PSPC1: variants seen among roughly 807,000 people sequenced by gnomAD.
The protein encoded by PSPC1 is paraspeckle component 1.
PSPC1 carries 14 observed loss-of-function variants against 51.6 expected under a neutral mutation model. The observed-to-expected ratio is 0.27, with a 90% CI of 0.18 to 0.42. The LOEUF is 0.42. Ranked by LOEUF, PSPC1 falls within the 10% of genes least tolerant of loss-of-function variation. PSPC1 has a pLI of 1.00. For synonymous variants in PSPC1, 193 were observed against 231.9 expected (o/e 0.83, Z 1.53); for missense variants, 406 against 701.1 (o/e 0.58, Z 4.75).
At chr13:19,672,082 G>A (rs1876162385), downstream of PSPC1, 6 of 563,836 alleles carry the variant, frequency 1.1e-5, no homozygotes, top group South Asian at 2.5e-5. Flanking sequence ...TCCAGACTGC[G>A]TATTTCAGTT....
chr13:19,689,812 A>G (rs545918985), intron 6 of PSPC1, among the ~76,000 whole-genome samples: 97 of 152,360 alleles, frequency 6.4e-4, no homozygotes, highest in Non-Finnish European at 1.0e-3. Flanking sequence ...TATTCTTAGA[A>G]AACATTTGAA....
chr13:19,708,828 T>G (rs1881032593), intron 7 of PSPC1, among the ~76,000 whole-genome samples: 1 of 152,092 alleles, frequency 6.6e-6, no homozygotes, highest in Admixed American at 6.5e-5. Flanking sequence ...AAAACACAAC[T>G]CAGAAACTAT....
At chr13:19,735,121 G>T (rs1043941048) in intron 5 of PSPC1, among the ~76,000 whole-genome samples, 3 of 152,100 alleles carry the variant, frequency 2.0e-5, no homozygotes, top group African/African-American at 7.2e-5. Context: ...CGACCAGCTT[G>T]GCCAACATGG....
At chr13:19,736,010 C>T (rs1220779939) in intron 5 of PSPC1, among the ~76,000 whole-genome samples, 1 of 151,896 alleles carries the variant, frequency 6.6e-6, no homozygotes, top group Non-Finnish European at 1.5e-5. Context: ...TTAGTAAAGA[C>T]AGGGTTTCAC....
At chr13:19,765,337 TAA>T (rs1491333563) in intron 2 of PSPC1, among the ~76,000 whole-genome samples, 8 of 145,156 alleles carry the variant, frequency 5.5e-5, no homozygotes, top group African/African-American at 1.8e-4. Context: ...ATAATAATAA[TAA>T]TAATAATTAT....
intron 6 of PSPC1, among the ~76,000 whole-genome samples, chr13:19,688,256 A>T (rs1355770704): frequency 6.6e-6 from 1 of 152,156 alleles, no homozygotes. Context: ...TAATCCGTCA[A>T]GGTACCAAAG....
chr13:19,681,732 A>G (rs1877288131), intron 6 of PSPC1, among the ~76,000 whole-genome samples: 1 of 152,234 alleles, frequency 6.6e-6, no homozygotes, highest in South Asian at 2.1e-4. Flanking sequence ...GTTATCTAAC[A>G]TAACCACCAG....
At chr13:19,679,887 C>CT (rs1252799467) in intron 6 of PSPC1, among the ~76,000 whole-genome samples, 1 of 152,222 alleles carries the variant, frequency 6.6e-6, no homozygotes, top group African/African-American at 2.4e-5. Flanking sequence ...TTACTAAAAA[C>CT]TTTAAGCATT....
At chr13:19,698,031 C>A (rs755501726), downstream of PSPC1, among the ~76,000 whole-genome samples, 3 of 151,986 alleles carry the variant, frequency 2.0e-5, no homozygotes, top group Non-Finnish European at 4.4e-5. Context: ...TTACATAATT[C>A]TTCTAAACAG....
intron 2 of PSPC1, among the ~76,000 whole-genome samples, chr13:19,771,868 G>A (rs773056679): frequency 2.4e-4 from 37 of 152,042 alleles, no homozygotes; most frequent in Admixed American, 7.9e-4. Flanking sequence ...GGTGATCCGC[G>A]CACTGAAAGT....
intron 6 of PSPC1, among the ~76,000 whole-genome samples, chr13:19,728,911 A>G (rs1254877024): frequency 1.3e-5 from 2 of 152,194 alleles, no homozygotes; most frequent in Non-Finnish European, 2.9e-5. Context: ...TAAAAAACAT[A>G]AATATTCCAG....
At chr13:19,741,280 T>C (rs1315072579) in intron 5 of PSPC1, among the ~76,000 whole-genome samples, 1 of 152,122 alleles carries the variant, frequency 6.6e-6, no homozygotes, top group African/African-American at 2.4e-5. Context: ...AATATATCCA[T>C]CTCTGGAAAA....
At chr13:19,716,845 A>G (rs1015497781) in intron 6 of PSPC1, among the ~76,000 whole-genome samples, 25 of 152,344 alleles carry the variant, frequency 1.6e-4, no homozygotes, top group African/African-American at 5.8e-4. Context: ...AGAAGGTTAC[A>G]TAACAGAACA....
At chr13:19,740,719 G>A (rs1398246155) in intron 5 of PSPC1, among the ~76,000 whole-genome samples, 2 of 152,072 alleles carry the variant, frequency 1.3e-5, no homozygotes, top group Non-Finnish European at 2.9e-5. Context: ...GGCACAAGGT[G>A]AGCTATCAAT....
intron 6 of PSPC1, among the ~76,000 whole-genome samples, chr13:19,713,544 C>CGAAA (rs1250728037): frequency 2.4e-3 from 16 of 6,570 alleles, no homozygotes; most frequent in Admixed American, 6.8e-3. Context: ...TCCCAGACAG[C>CGAAA]CAAAAAAAAA....
chr13:19,780,993 CAAA>C (rs1156355251), intron 1 of PSPC1, among the ~76,000 whole-genome samples: 1 of 151,888 alleles, frequency 6.6e-6, no homozygotes, highest in South Asian at 2.1e-4. Context: ...ACCGCCTCTA[CAAA>C]AAATACAAAA....
intron 6 of PSPC1, among the ~76,000 whole-genome samples, chr13:19,729,335 G>A (rs56245531): frequency 0.1 from 15,453 of 151,898 alleles, 914 homozygotes; most frequent in African/African-American, 0.17. Flanking sequence ...TAAAGAGTTC[G>A]ACACCAGCCT....
At chr13:19,775,896 A>G (rs1889065315) in intron 1 of PSPC1, among the ~76,000 whole-genome samples, 1 of 152,040 alleles carries the variant, frequency 6.6e-6, no homozygotes, top group Non-Finnish European at 1.5e-5. Context: ...TAAAAGTACA[A>G]AAAAATTAGC....
At chr13:19,732,711 G>A (rs1187617129) in intron 5 of PSPC1, among the ~76,000 whole-genome samples, 1 of 152,100 alleles carries the variant, frequency 6.6e-6, no homozygotes, top group Non-Finnish European at 1.5e-5. Flanking sequence ...TGAATCACCT[G>A]AGGTCAGGAG....
Sources: gnomAD v4.1 joint callset for allele counts (sites outside exome capture counted in the v4.1 genomes callset) on GRCh38, gnomAD v4.1.1 for gene constraint, MANE v1.5 for transcripts, NCBI Gene and HGNC (gene_info 2026-07-23, HGNC 2026-07-21) for gene names.